NALCN: variants seen among roughly 807,000 people sequenced by gnomAD.
NALCN encodes sodium leak channel, non-selective.
Under a neutral mutation model 225.3 loss-of-function variants are expected in NALCN, and 111 were observed. That is an observed-to-expected ratio of 0.49 (90% CI 0.42 to 0.58). The LOEUF (loss-of-function observed/expected upper bound fraction) is 0.58, where lower values mean the gene tolerates loss of function less well. Among genes scored for constraint, NALCN ranks in the 20% least tolerant of loss-of-function variants. The pLI is 0.00. For missense variants in NALCN, 1,378 were observed against 2,202.4 expected (o/e 0.63, Z 7.49); for synonymous variants, 764 against 769.0 (o/e 0.99, Z 0.11).
At chr13:101,213,988 G>GCACA (rs1187938875) in intron 13 of NALCN, among the ~76,000 whole-genome samples, 2 of 152,126 alleles carry the variant, frequency 1.3e-5, no homozygotes, top group Non-Finnish European at 2.9e-5. Context: ...AAAGACACAT[G>GCACA]CACACGTATG....
chr13:101,296,297 TACAG>T (rs1183699987), intron 7 of NALCN, among the ~76,000 whole-genome samples: 1 of 152,246 alleles, frequency 6.6e-6, no homozygotes, highest in Admixed American at 6.5e-5. Context: ...TTTTGTAGCC[TACAG>T]ACATAGGAAA....
intron 1 of NALCN, among the ~76,000 whole-genome samples, chr13:101,408,945 C>T (rs952624927): frequency 6.6e-6 from 1 of 152,174 alleles, no homozygotes; most frequent in South Asian, 2.1e-4. Context: ...AAAATGGTTC[C>T]CCACTTTTTA....
intron 13 of NALCN, among the ~76,000 whole-genome samples, chr13:101,220,677 A>C (rs1213733921): frequency 6.6e-6 from 1 of 152,202 alleles, no homozygotes; most frequent in East Asian, 1.9e-4. Flanking sequence ...TAATCAGGCA[A>C]AATGGTGCAA....
At chr13:101,137,502 A>G (rs2036859017) in intron 17 of NALCN, among the ~76,000 whole-genome samples, 1 of 152,186 alleles carries the variant, frequency 6.6e-6, no homozygotes. Flanking sequence ...ATAATCATAT[A>G]GAACATTATA....
At position 101,083,317 on chromosome 13, in the gene NALCN, C is replaced by T. The variant is rs140429825; in HGVS notation, c.3584-119G>A. On this transcript the variant is annotated intron_variant, in intron 31 of 43. Transcript: ENST00000251127. ...TTACATTTTTCTCCCCAAACAGTTCCGTCTATTGTGAGGTGTTTTTGCAGC... is the reference window on the plus strand; with the variant it reads ...TTACATTTTTCTCCCCAAACAGTTCTGTCTATTGTGAGGTGTTTTTGCAGC... 1.3e-5 allele frequency: 11 copies of T among 842,836 alleles called. No homozygotes were observed. In the Admixed American group the frequency reaches 1.8e-4, roughly 14 times the overall value. The allele number at this position is 842,836 out of a possible 1,614,324, so 52.2% of individuals were successfully genotyped here.
intron 7 of NALCN, among the ~76,000 whole-genome samples, chr13:101,343,527 C>T (rs1446024862): frequency 6.6e-6 from 1 of 152,182 alleles, no homozygotes; most frequent in Non-Finnish European, 1.5e-5. Context: ...TTTGTTGAGC[C>T]TATTAGTAAA....
intron 12 of NALCN, 54 bp from the exon 13 acceptor site, chr13:101,229,638 G>A (rs1052100108): frequency 1.3e-5 from 17 of 1,336,296 alleles, no homozygotes; most frequent in Non-Finnish European, 1.6e-5. Context: ...TATTTACACT[G>A]AATCTTAAAT....
At chr13:101,406,828 G>A (rs1287514111) in intron 1 of NALCN, among the ~76,000 whole-genome samples, 1 of 152,034 alleles carries the variant, frequency 6.6e-6, no homozygotes, top group Admixed American at 6.6e-5. Context: ...TAAAGAATGA[G>A]AAAAACATAT....
At chr13:101,057,513 G>A (rs2139383011) in intron 43 of NALCN, 1 of 227,298 alleles carries the variant, frequency 4.4e-6, no homozygotes, top group Non-Finnish European at 8.7e-6. Context: ...CAGCTGCAAA[G>A]TGTGCTGAGA....
intron 6 of NALCN, among the ~76,000 whole-genome samples, chr13:101,347,496 C>T (rs74117879): frequency 0.014 from 2,195 of 152,232 alleles, 48 homozygotes; most frequent in African/African-American, 0.05. Context: ...ACATGTAGGC[C>T]AAATGATTCA....
At chr13:101,284,276 A>G (rs548676666) in intron 9 of NALCN, among the ~76,000 whole-genome samples, 1 of 152,328 alleles carries the variant, frequency 6.6e-6, no homozygotes, top group East Asian at 1.9e-4. Context: ...CTTTGCATAT[A>G]ATTGCTCAAA....
At chr13:101,098,770 C>T (rs551591501) in intron 27 of NALCN, among the ~76,000 whole-genome samples, 17 of 152,178 alleles carry the variant, frequency 1.1e-4, no homozygotes, top group Admixed American at 1.0e-3. Flanking sequence ...TCACTCATGG[C>T]GTTTTTGGCC....
intron 13 of NALCN, among the ~76,000 whole-genome samples, chr13:101,228,280 C>T (rs2041222766): frequency 6.6e-6 from 1 of 152,098 alleles, no homozygotes; most frequent in Non-Finnish European, 1.5e-5. Context: ...CTAAGCTATC[C>T]ATTAGAAGTA....
Position 101,074,679 on chromosome 13 carries a change from G to T in NALCN, c.3955-17C>A. 1 of 1,592,170 alleles carries T rather than the reference G, an allele frequency of 6.3e-7. No individual in the cohort carries two copies. On this transcript the variant is annotated splice_polypyrimidine_tract_variant and intron_variant, in intron 35 of 43. Transcript: ENST00000251127. ...TAGCGTTACCTGGGGACCAGGGGTG[G>T]GAAGCGGGGAGACAGAGAGAGAGAG... is the stretch of plus-strand genomic sequence containing the variant.
At chr13:101,194,442 G>C (rs1327397018) in intron 13 of NALCN, among the ~76,000 whole-genome samples, 1 of 152,166 alleles carries the variant, frequency 6.6e-6, no homozygotes, top group South Asian at 2.1e-4. Context: ...CTTGTGTCTT[G>C]CTTGAAGGGT....
chr13:101,330,656 T>G (rs558130983), intron 7 of NALCN, among the ~76,000 whole-genome samples: 2 of 152,312 alleles, frequency 1.3e-5, no homozygotes, highest in African/African-American at 4.8e-5. Flanking sequence ...CCTTCCCTGA[T>G]ATGGTTTAGC....
chr13:101,181,572 A>AT, intron 14 of NALCN, among the ~76,000 whole-genome samples: 1 of 138,936 alleles, frequency 7.2e-6, no homozygotes, highest in Non-Finnish European at 1.7e-5. Context: ...TGTCTCTCAA[A>AT]AAAAAAAAAA....
chr13:101,082,120 C>T (rs1426517097), intron 33 of NALCN, among the ~76,000 whole-genome samples: 1 of 152,138 alleles, frequency 6.6e-6, no homozygotes, highest in African/African-American at 2.4e-5. Context: ...TCAGGTGATC[C>T]ACCCACATCG....
intron 34 of NALCN, among the ~76,000 whole-genome samples, chr13:101,080,274 G>C (rs1223733751): frequency 1.3e-5 from 2 of 151,984 alleles, no homozygotes; most frequent in Non-Finnish European, 2.9e-5. Context: ...GCAGCCACAT[G>C]GAACCACATG....
Sources: allele counts gnomAD v4.1 joint callset (sites outside exome capture counted in the v4.1 genomes callset), GRCh38; gene constraint gnomAD v4.1.1; transcripts MANE v1.5; gene names NCBI Gene and HGNC (gene_info 2026-07-23, HGNC 2026-07-21).